The following PNKD variants were observed in gnomAD, a reference collection of about 807,000 sequenced individuals.
PNKD encodes the protein probable thioesterase PNKD.
In PNKD, 36 loss-of-function variants were observed where a neutral mutation model predicts 45.3. That is an observed-to-expected ratio of 0.80 (90% CI 0.61 to 1.05). The LOEUF is 1.05. Ranked by LOEUF, PNKD falls within the 50% of genes least tolerant of loss-of-function variation. PNKD has a pLI of 0.00. For synonymous variants in PNKD, 197 were observed against 210.1 expected (o/e 0.94, Z 0.54); for missense variants, 511 against 506.6 (o/e 1.01, Z -0.08).
chr2:218,327,617 C>T (rs1055119588), intron 2 of PNKD, among the ~76,000 whole-genome samples: 23 of 152,074 alleles, frequency 1.5e-4, no homozygotes, highest in Admixed American at 9.2e-4. Flanking sequence ...TTCTGCAAGC[C>T]ACATTGCCGA....
chr2:218,275,388 G>T (rs778856282), intron 2 of PNKD: 6 of 1,494,886 alleles, frequency 4.0e-6, no homozygotes, highest in Non-Finnish European at 5.3e-6. Context: ...AAGGAAAGGG[G>T]CCTAAAGCCC....
intron 2 of PNKD, among the ~76,000 whole-genome samples, chr2:218,336,421 A>G (rs1377302060): frequency 1.3e-5 from 2 of 152,178 alleles, no homozygotes; most frequent in Admixed American, 1.3e-4. Context: ...ATATAAGGAC[A>G]TTTAACTCCT....
chr2:218,282,217 C>T (rs1692095437), intron 2 of PNKD: 2 of 1,240,122 alleles, frequency 1.6e-6, no homozygotes, highest in East Asian at 5.9e-5. Context: ...TCGTGAATGC[C>T]CAGGCCCAGC....
At chr2:218,334,984 A>C (rs1559529721) in intron 2 of PNKD, among the ~76,000 whole-genome samples, 1 of 151,926 alleles carries the variant, frequency 6.6e-6, no homozygotes, top group Non-Finnish European at 1.5e-5. Context: ...TCTTCTCTTC[A>C]AAAAAATAAT....
chr2:218,304,344 A>G (rs973289301), intron 2 of PNKD, among the ~76,000 whole-genome samples: 4 of 152,106 alleles, frequency 2.6e-5, no homozygotes, highest in South Asian at 2.1e-4. Flanking sequence ...GGGTTTCACC[A>G]TGTTGACCAG....
Position 218,340,880 on chromosome 2 carries a change from A to T in PNKD, c.524+94A>T. ...GGACGGCCGGGGCCAGAGATCAAGA[A>T]GTCAGTACGGGCCGGCACCCGCCTT... On this transcript the variant is annotated intron_variant, in intron 5 of 9. Transcript: ENST00000273077. This position sits in a 1 kb window ranked among gnomAD's most constrained non-coding sequence, Gnocchi z 4.2. 9.5e-7 allele frequency: 1 copy of T among 1,054,424 alleles called. No homozygotes were observed. The highest frequency in any genetic ancestry group is 1.5e-6 in the Non-Finnish European group (1 of 671,310). The allele number at this position is 1,054,424 out of a possible 1,614,324, so 65.3% of individuals were successfully genotyped here.
rs747754197 is a variant in PNKD, at chr2:218,270,571, C to T, written c.36C>T (p.Gly12=). ...AAVVAATALK[G]RGARNARVLR... is the part of the protein sequence containing the mutation. ...TGGTAGCTGCTACGGCGCTGAAGGG[C>T]CGGGGGGCGAGAAATGCCCGCGTCC... Residue 12 remains glycine, a synonymous_variant, in exon 1 of 10, where the codon GGC becomes GGT. Transcript: ENST00000273077. 1 of 1,199,264 alleles carries T rather than the reference C, an allele frequency of 8.3e-7. No individual in the cohort carries two copies. The highest frequency in any genetic ancestry group is 1.1e-6 in the Non-Finnish European group (1 of 928,916). 74.3% of individuals were successfully genotyped at this position (1,199,264 alleles called of 1,614,324 possible). A position where few individuals can be genotyped will look rare whatever the true frequency, so the allele number is the denominator to read the frequency against.
rs766237012 is a variant in PNKD at position 218,340,095 on chromosome 2, C to T, written c.419C>T (p.Ala140Val). The T allele has an allele frequency of 7.4e-6, 12 of 1,613,890 alleles. No homozygotes were observed. Among genetic ancestry groups the T allele is most frequent in the Non-Finnish European group, 1.0e-5 (12 of 1,179,802 alleles). ...AGCTACCTCATCATCGACACCCAGG[C>T]CCAGCTGGCTGTGGCTGTGGACCCT... is the stretch of plus-strand genomic sequence containing the variant. The part of the protein sequence containing the change: ...NYSYLIIDTQ[A>V]QLAVAVDPSD... The change falls in exon 4 of 10, where the codon GCC becomes GTC. Residue 140 changes from alanine to valine, a missense_variant. By Grantham distance (64) the Ala-to-Val change is moderately conservative (BLOSUM62 0). Coordinates refer to ENST00000273077, the MANE Select transcript of PNKD (RefSeq NM_015488.5). This position sits in a 1 kb window ranked among gnomAD's most constrained non-coding sequence, Gnocchi z 4.2.
chr2:218,285,419 T>G (rs1475514951), intron 2 of PNKD, among the ~76,000 whole-genome samples: 5 of 152,138 alleles, frequency 3.3e-5, no homozygotes, highest in Non-Finnish European at 7.4e-5. Context: ...AACCCTCTCA[T>G]GGGTTTTAGC....
rs1182936478 is a variant in PNKD at position 218,307,317 on chromosome 2, G to C, written c.237-32466G>C. ...ACTAGATTTCTATTATTATTACATTGTAATATATAATAAAATAATCATACA... is the reference window on the plus strand; with the variant it reads ...ACTAGATTTCTATTATTATTACATTCTAATATATAATAAAATAATCATACA... On this transcript the variant is annotated intron_variant, in intron 2 of 9. Coordinates refer to ENST00000273077, the MANE Select transcript of PNKD (RefSeq NM_015488.5). Among the ~76,000 whole-genome samples, 108 of 152,132 alleles carry C rather than the reference G, an allele frequency of 7.1e-4. 2 individuals are homozygous for C. The East Asian group carries it at 0.014, about 20-fold the overall frequency.
intron 2 of PNKD, among the ~76,000 whole-genome samples, chr2:218,294,504 T>G (rs1052077402): frequency 1.3e-5 from 2 of 152,144 alleles, no homozygotes; most frequent in Non-Finnish European, 2.9e-5. Context: ...CAGCCTTCCT[T>G]TTTTTTGAGA....
intron 2 of PNKD, among the ~76,000 whole-genome samples, chr2:218,310,662 G>T (rs183685010): frequency 1.3e-4 from 19 of 144,138 alleles, no homozygotes; most frequent in Non-Finnish European, 2.7e-4. Flanking sequence ...CGCCATCTCG[G>T]CTCACTGCAA....
At chr2:218,277,364 A>G in intron 2 of PNKD, 1 of 1,613,906 alleles carries the variant, frequency 6.2e-7, no homozygotes, top group South Asian at 1.1e-5. Flanking sequence ...CCATGCCCTC[A>G]CCTTGGTCTG....
At chr2:218,290,948 C>G (rs956339924) in intron 2 of PNKD, among the ~76,000 whole-genome samples, 3 of 152,170 alleles carry the variant, frequency 2.0e-5, no homozygotes, top group African/African-American at 7.2e-5. Flanking sequence ...ACTCTCTGGT[C>G]GTCCCAGTTC....
chr2:218,271,213 C>T, intron 1 of PNKD, 168 bp from the exon 2 acceptor site: 1 of 706,164 alleles, frequency 1.4e-6, no homozygotes, highest in Non-Finnish European at 2.6e-6. Flanking sequence ...ACCTCGGTGG[C>T]GATTTTCCCA....
At chr2:218,323,333 T>C in intron 2 of PNKD, 1 of 1,576,648 alleles carries the variant, frequency 6.3e-7, no homozygotes, top group Non-Finnish European at 8.6e-7. Flanking sequence ...TCCTCGTCCT[T>C]GTCCTCGTCC....
chr2:218,278,030 G>A (rs1691424732), intron 2 of PNKD: 1 of 1,596,170 alleles, frequency 6.3e-7, no homozygotes, highest in Admixed American at 1.7e-5. Context: ...GGCGTCAGAG[G>A]CTCCTACAGC....
chr2:218,306,674 T>C (rs1457317276), intron 2 of PNKD, among the ~76,000 whole-genome samples: 2 of 152,118 alleles, frequency 1.3e-5, no homozygotes, highest in Non-Finnish European at 2.9e-5. Flanking sequence ...CCAAACCCGA[T>C]TCCACTCCCT....
At position 218,326,258 on chromosome 2, in the gene PNKD, T is replaced by C. The variant is rs1344840787; in HGVS notation, c.237-13525T>C. On this transcript the variant is annotated intron_variant, in intron 2 of 9. Transcript: ENST00000273077. This position sits in a 1 kb window ranked among gnomAD's most constrained non-coding sequence, Gnocchi z 4.1. Reference sequence around the variant, plus strand: ...ATTAGTAATCATCATCCCTGGTGTTTGGCAATTTAATAAAAGGCTTTCCTT... The same window carrying C: ...ATTAGTAATCATCATCCCTGGTGTTCGGCAATTTAATAAAAGGCTTTCCTT... Among the ~76,000 whole-genome samples, 2 of 152,112 alleles carry C rather than the reference T, an allele frequency of 1.3e-5. No homozygotes were observed. The highest frequency in any genetic ancestry group is 1.5e-5 in the Non-Finnish European group (1 of 68,022).
Sources: gnomAD v4.1 joint callset for allele counts (sites outside exome capture counted in the v4.1 genomes callset) on GRCh38, gnomAD v4.1.1 for gene constraint, Gnocchi (gnomAD v3.1) non-coding constraint, MANE v1.5 for transcripts, NCBI Gene and HGNC (gene_info 2026-07-23, HGNC 2026-07-21) for gene names.